NUTM2G: variants seen among roughly 807,000 people sequenced by gnomAD.
NUTM2G encodes the protein family with sequence similarity 22, member G.
NUTM2G carries 29 observed loss-of-function variants against 44.3 expected under a neutral mutation model. That is an observed-to-expected ratio of 0.66 (90% CI 0.49 to 0.89). NUTM2G has a LOEUF of 0.89. Ranked by LOEUF, NUTM2G falls within the 40% of genes least tolerant of loss-of-function variation. The probability of loss-of-function intolerance (pLI) is 0.00; values close to 1 mark genes in which losing one functional copy is unlikely to be tolerated. For synonymous variants in NUTM2G, 205 were observed against 395.9 expected, an observed-to-expected ratio of 0.52 and a Z score of 5.72; for missense variants, 502 against 946.5, an observed-to-expected ratio of 0.53 and a Z score of 6.16.
chr9:96,938,152 AG>A (rs1826503868), intron 6 of NUTM2G, 151 bp downstream of exon 6: 1 of 648,872 alleles, frequency 1.5e-6, no homozygotes, highest in South Asian at 1.9e-5. Context: ...GTTCAGAGGG[AG>A]TAGGATGGAG....
At chr9:96,941,865 T>C (rs1210044177), downstream of NUTM2G, among the ~76,000 whole-genome samples, 1 of 140,300 alleles carries the variant, frequency 7.1e-6, no homozygotes, top group African/African-American at 2.7e-5. Context: ...CCAAGTGCAG[T>C]GTATCACACG....
chr9:96,942,619 G>A (rs1388875570), downstream of NUTM2G: 6 of 127,690 alleles, frequency 4.7e-5, no homozygotes, highest in Admixed American at 4.1e-4. Flanking sequence ...TTCATTTTCC[G>A]TCCTCATCTC....
At chr9:96,930,775 G>T (rs1473248930) in intron 1 of NUTM2G, among the ~76,000 whole-genome samples, 1 of 150,628 alleles carries the variant, frequency 6.6e-6, no homozygotes, top group African/African-American at 2.5e-5. Context: ...ACTTGTGTGG[G>T]TGGTGCCAGG....
chr9:96,930,319 T>C lies in NUTM2G; in HGVS notation c.16+1279T>C, dbSNP rs1302326388. Among the ~76,000 whole-genome samples the C allele has an allele frequency of 2.0e-5, 3 of 151,286 alleles. No individual in the cohort carries two copies. The East Asian group carries it at 5.8e-4, about 29-fold the overall frequency. On this transcript the variant is annotated intron_variant, in intron 1 of 6. Transcript: ENST00000372322. ...GCATGTGGATCACGAGGTCAAGGAG[T>C]TCAAGACCAGCCTGACCAATATGGT...
chr9:96,937,172 C>G lies in NUTM2G; in HGVS notation c.1091C>G (p.Pro364Arg). The G allele has an allele frequency of 6.2e-7, 1 of 1,610,970 alleles. No individual in the cohort carries two copies. Among genetic ancestry groups the G allele is most frequent in the Non-Finnish European group, 8.5e-7 (1 of 1,178,948 alleles). Residue 364 changes from proline to arginine, a missense_variant, in exon 5 of 7, where the codon CCG becomes CGG. By Grantham distance (103) the Pro-to-Arg change is moderately radical (BLOSUM62 -2). Coordinates refer to ENST00000372322, the MANE Select transcript of NUTM2G (RefSeq NM_001170741.3). ...TKAHLPPPRPPRPAETKVPEE... is the reference protein window; with the variant it reads ...TKAHLPPPRPRRPAETKVPEE... ...GCCCACCTGCCACCACCCAGGCCCC[C>G]GAGGCCAGCAGAGACCAAGGTCCCT...
At chr9:96,929,233 C>T (rs945529690) in intron 1 of NUTM2G, among the ~76,000 whole-genome samples, 193 bp downstream of exon 1, 5 of 152,102 alleles carry the variant, frequency 3.3e-5, no homozygotes, top group Non-Finnish European at 5.9e-5. Context: ...TCCTTAGAGG[C>T]GGACCAAGAT....
intron 2 of NUTM2G, among the ~76,000 whole-genome samples, chr9:96,934,461 G>C (rs1173810108): frequency 6.6e-6 from 1 of 151,848 alleles, no homozygotes; most frequent in African/African-American, 2.4e-5. Context: ...CCTGATTCTT[G>C]GAGTGTAGCC....
At chr9:96,929,137 G>C in intron 1 of NUTM2G, 97 bp downstream of exon 1, 1 of 1,576,442 alleles carries the variant, frequency 6.3e-7, no homozygotes, top group Non-Finnish European at 8.7e-7. Context: ...TTATAGGGCT[G>C]ATGTTGAGGG....
chr9:96,934,669 C>T (rs1462785915), intron 2 of NUTM2G, among the ~76,000 whole-genome samples: 1 of 151,240 alleles, frequency 6.6e-6, no homozygotes, highest in African/African-American at 2.4e-5. Flanking sequence ...AATGCTCAGT[C>T]CTGTGGCCCA....
intron 1 of NUTM2G, among the ~76,000 whole-genome samples, chr9:96,930,872 G>GTTTTGTTTTT (rs1826218237): frequency 1.4e-5 from 1 of 72,656 alleles, no homozygotes; most frequent in African/African-American, 5.7e-5. Flanking sequence ...CCATCCAGTG[G>GTTTTGTTTTT]TTTTTTTTTT....
chr9:96,935,409 G>C lies in NUTM2G; in HGVS notation c.795G>C (p.Gln265His). The C allele has an allele frequency of 6.2e-7, 1 of 1,612,098 alleles. No homozygotes were observed. The highest frequency in any genetic ancestry group is 8.5e-7 in the Non-Finnish European group (1 of 1,179,878). Residue 265 changes from glutamine to histidine, a missense_variant, in exon 3 of 7, where the codon CAG (glutamine) becomes CAC (histidine). Gln to His is a conservative substitution (Grantham distance 24). Transcript: ENST00000372322. ...TGTGGCGGGCCATGCGGGAATGGCA[G>C]CACACGAGCAACTTTGACCGGATGA... ...EGLWRAMREW[Q>H]HTSNFDRMIF...
chr9:96,931,181 C>A (rs1229438283), intron 1 of NUTM2G, among the ~76,000 whole-genome samples: 1 of 152,074 alleles, frequency 6.6e-6, no homozygotes, highest in Non-Finnish European at 1.5e-5. Flanking sequence ...AACCAGCATG[C>A]CCGGCCTATC....
intron 2 of NUTM2G, among the ~76,000 whole-genome samples, chr9:96,933,181 T>C (rs1421912212): frequency 3.3e-5 from 5 of 149,480 alleles, no homozygotes; most frequent in Admixed American, 1.3e-4. Context: ...GGTTTCACCA[T>C]GTTAGCCAGG....
chr9:96,937,754 C>T (rs940536986), intron 5 of NUTM2G, 131 bp from the exon 6 acceptor site: 16 of 1,053,618 alleles, frequency 1.5e-5, no homozygotes, highest in Non-Finnish European at 2.1e-5. Context: ...AGCTGGTGGT[C>T]GCCATGATAT....
Position 96,936,348 on chromosome 9 carries a change from G to C in NUTM2G, c.843-77G>C, listed in dbSNP as rs894254736. 1.8e-5 allele frequency: 28 copies of C among 1,536,532 alleles called. No homozygotes were observed. The African/African-American group carries it at 2.7e-4, about 15-fold the overall frequency. ...GCCGGAGGCACTCCCTCCCATCCCT[G>C]CCCTCGGCTGCTGCCTGGTCCTGGG... On this transcript the variant is annotated intron_variant, in intron 3 of 6. Coordinates refer to ENST00000372322, the MANE Select transcript of NUTM2G (RefSeq NM_001170741.3).
chr9:96,938,326 TG>T, intron 6 of NUTM2G, 37 bp from the exon 7 acceptor site: 2 of 1,308,696 alleles, frequency 1.5e-6, no homozygotes, highest in Non-Finnish European at 2.1e-6. Context: ...TGCTCACACC[TG>T]GGGCAGCGCC....
At chr9:96,934,502 C>T (rs1374081565) in intron 2 of NUTM2G, among the ~76,000 whole-genome samples, 1 of 151,912 alleles carries the variant, frequency 6.6e-6, no homozygotes, top group African/African-American at 2.4e-5. Flanking sequence ...TGCCTTGGCT[C>T]CTGTGGGAAT....
At chr9:96,934,647 G>A (rs2119032887) in intron 2 of NUTM2G, among the ~76,000 whole-genome samples, 1 of 151,828 alleles carries the variant, frequency 6.6e-6, no homozygotes, top group Non-Finnish European at 1.5e-5. Context: ...AGAGTCCCCA[G>A]GAAGCTGGTT....
rs1826430420 is a variant in NUTM2G, at chr9:96,936,412, C to G, written c.843-13C>G. ...GACCCTCTCAGCACAGCCTGGGCCT[C>G]CTTCACCCCCAGGTTCCTGGAGTTT... On this transcript the variant is annotated splice_polypyrimidine_tract_variant and intron_variant, in intron 3 of 6. Transcript: ENST00000372322. The G allele has an allele frequency of 6.4e-7, 1 of 1,572,802 alleles. No individual in the cohort carries two copies. The highest frequency in any genetic ancestry group is 1.8e-5 in the Admixed American group (1 of 56,258).
Sources: gnomAD v4.1 joint callset for allele counts (sites outside exome capture counted in the v4.1 genomes callset) on GRCh38, gnomAD v4.1.1 for gene constraint, MANE v1.5 for transcripts, NCBI Gene and HGNC (gene_info 2026-07-23, HGNC 2026-07-21) for gene names.